Variants in CNTLN observed in about 807,000 individuals in gnomAD.
The protein encoded by CNTLN is centlein, also known as centlein, centrosomal protein.
In CNTLN, 212 loss-of-function variants were observed where a neutral mutation model predicts 180.0. The ratio of observed to expected loss-of-function variants is 1.18; its 90% CI spans 1.05 to 1.32. The LOEUF is 1.32. CNTLN is among the 40% of genes most tolerant of loss of function. The pLI is 0.00. For synonymous variants in CNTLN, 722 were observed against 563.1 expected, an observed-to-expected ratio of 1.28 and a Z score of -3.99; for missense variants, 2,095 against 1,610.9, an observed-to-expected ratio of 1.30 and a Z score of -5.14.
At chr9:17,429,825 T>C (rs1829310150) in intron 18 of CNTLN, among the ~76,000 whole-genome samples, 1 of 151,954 alleles carries the variant, frequency 6.6e-6, no homozygotes, top group Non-Finnish European at 1.5e-5. Flanking sequence ...CTTTTAAGTA[T>C]AGTAGAATTT....
intron 2 of CNTLN, among the ~76,000 whole-genome samples, chr9:17,170,966 G>A (rs1820385955): frequency 6.6e-6 from 1 of 152,112 alleles, no homozygotes; most frequent in African/African-American, 2.4e-5. Context: ...TGTAGCTTGA[G>A]AGTTATAGAC....
At chr9:17,479,524 A>T (rs1246210827) in intron 23 of CNTLN, among the ~76,000 whole-genome samples, 1 of 152,150 alleles carries the variant, frequency 6.6e-6, no homozygotes, top group African/African-American at 2.4e-5. Context: ...GGTGTTTGGA[A>T]GGGATTGGGG....
chr9:17,329,475 G>T (rs545450852), intron 8 of CNTLN, among the ~76,000 whole-genome samples: 20 of 152,014 alleles, frequency 1.3e-4, no homozygotes, highest in Non-Finnish European at 2.2e-4. Context: ...GTAATATATT[G>T]TAAGTATGGT....
chr9:17,156,120 C>G (rs528538977), intron 2 of CNTLN, among the ~76,000 whole-genome samples: 90 of 152,312 alleles, frequency 5.9e-4, no homozygotes, highest in Non-Finnish European at 2.2e-4. Flanking sequence ...ATGCAGAAAT[C>G]ACTCACCTTC....
intron 12 of CNTLN, among the ~76,000 whole-genome samples, chr9:17,347,693 A>G (rs1289738166): frequency 6.6e-6 from 1 of 151,458 alleles, no homozygotes; most frequent in African/African-American, 2.4e-5. Flanking sequence ...AAAAAGAAAA[A>G]GGAAAAGAAA....
At chr9:17,202,646 G>GTTTTTTTGTTTTTTTTTT (rs1554656178) in intron 2 of CNTLN, among the ~76,000 whole-genome samples, 1 of 71,486 alleles carries the variant, frequency 1.4e-5, no homozygotes, top group African/African-American at 5.3e-5. Context: ...TGCAACCTCT[G>GTTTTTTTGTTTTTTTTTT]TTTTTTTTTT....
chr9:17,398,597 G>T (rs576132758), intron 15 of CNTLN, among the ~76,000 whole-genome samples: 3 of 152,284 alleles, frequency 2.0e-5, no homozygotes, highest in Admixed American at 1.3e-4. Flanking sequence ...AGCCACATTG[G>T]TTCCAACTGA....
intron 2 of CNTLN, among the ~76,000 whole-genome samples, chr9:17,185,771 T>TTG (rs371473319): frequency 0.039 from 5,615 of 143,656 alleles, 119 homozygotes; most frequent in Admixed American, 0.059. Flanking sequence ...TGTTTCCCAT[T>TTG]TGTGTGTGTG....
the CNTLN span, among the ~76,000 whole-genome samples, chr9:17,520,894 G>A: frequency 6.6e-6 from 1 of 152,172 alleles, no homozygotes; most frequent in Non-Finnish European, 1.5e-5. Flanking sequence ...GCAATATTTT[G>A]AGTAGCCTAT....
chr9:17,282,453 T>C (rs905470585), intron 6 of CNTLN, among the ~76,000 whole-genome samples: 1 of 152,194 alleles, frequency 6.6e-6, no homozygotes, highest in Non-Finnish European at 1.5e-5. Flanking sequence ...TTTTTTCTTG[T>C]AAATTTAAGT....
At chr9:17,487,790 A>T (rs1482856736) in intron 25 of CNTLN, among the ~76,000 whole-genome samples, 2 of 152,062 alleles carry the variant, frequency 1.3e-5, no homozygotes, top group Non-Finnish European at 2.9e-5. Flanking sequence ...TTTTTAATAC[A>T]CATATAGTCT....
chr9:17,168,166 A>G (rs897664314), intron 2 of CNTLN: 2 of 152,222 alleles, frequency 1.3e-5, no homozygotes, highest in Non-Finnish European at 2.9e-5. Context: ...GAGTTATTGG[A>G]ATCCTCTTTT....
chr9:17,357,265 G>GC (rs1237259054), intron 12 of CNTLN, among the ~76,000 whole-genome samples: 1 of 97,562 alleles, frequency 1.0e-5, no homozygotes, highest in African/African-American at 3.4e-5. Context: ...ATGGATGTTT[G>GC]GGTTTTTTCC....
intron 24 of CNTLN, among the ~76,000 whole-genome samples, chr9:17,485,585 C>T (rs185173960): frequency 3.9e-5 from 6 of 152,178 alleles, no homozygotes; most frequent in Admixed American, 1.3e-4. Flanking sequence ...TTATTATAGG[C>T]ATTTAATTAA....
chr9:17,439,972 A>G (rs547041274), intron 18 of CNTLN, among the ~76,000 whole-genome samples: 1 of 152,332 alleles, frequency 6.6e-6, no homozygotes, highest in South Asian at 2.1e-4. Flanking sequence ...ATAATTTATT[A>G]TAGCAGCCCA....
intron 8 of CNTLN, among the ~76,000 whole-genome samples, chr9:17,322,006 T>A (rs1057374694): frequency 6.6e-6 from 1 of 152,124 alleles, no homozygotes; most frequent in Admixed American, 6.5e-5. Context: ...TAGTTTCGAG[T>A]TTATATGTGT....
At chr9:17,202,646 G>GTTTTTTTTTTTTTTTTT (rs57960408) in intron 2 of CNTLN, among the ~76,000 whole-genome samples, 8 of 71,472 alleles carry the variant, frequency 1.1e-4, no homozygotes, top group African/African-American at 2.1e-4. Flanking sequence ...TGCAACCTCT[G>GTTTTTTTTTTTTTTTTT]TTTTTTTTTT....
intron 5 of CNTLN, among the ~76,000 whole-genome samples, chr9:17,266,939 C>G (rs867802724): frequency 1.3e-5 from 2 of 152,044 alleles, no homozygotes; most frequent in Non-Finnish European, 2.9e-5. Flanking sequence ...TGTCTCTGCA[C>G]ATGAGATGGG....
chr9:17,445,164 T>C (rs1020381273), intron 18 of CNTLN, among the ~76,000 whole-genome samples: 3 of 152,140 alleles, frequency 2.0e-5, no homozygotes, highest in Non-Finnish European at 2.9e-5. Context: ...AAAAAAACAT[T>C]ATTGCTTCTC....
Sources: gnomAD v4.1 joint callset for allele counts (sites outside exome capture counted in the v4.1 genomes callset) on GRCh38, gnomAD v4.1.1 for gene constraint, MANE v1.5 for transcripts, NCBI Gene and HGNC (gene_info 2026-07-23, HGNC 2026-07-21) for gene names.